GPC5: variants seen among roughly 807,000 people sequenced by gnomAD.
GPC5 encodes glypican-5.
Under a neutral mutation model 53.9 loss-of-function variants are expected in GPC5, and 47 were observed. The observed-to-expected ratio is 0.87, with a 90% confidence interval of 0.69 to 1.11. The LOEUF (loss-of-function observed/expected upper bound fraction) is 1.11. GPC5 is among the 50% of genes most tolerant of loss of function. The pLI is 0.00. For missense variants in GPC5, 748 were observed against 713.1 expected (o/e 1.05, Z -0.56); for synonymous variants, 286 against 263.3 (o/e 1.09, Z -0.84).
intron 2 of GPC5, among the ~76,000 whole-genome samples, chr13:91,553,577 A>T (rs58296272): frequency 6.6e-6 from 1 of 151,960 alleles, no homozygotes; most frequent in East Asian, 1.9e-4. Context: ...CTACGGCATT[A>T]GTTTGTCTAT....
chr13:92,165,762 AT>A (rs1385694873), intron 7 of GPC5, among the ~76,000 whole-genome samples: 3 of 152,232 alleles, frequency 2.0e-5, no homozygotes, highest in East Asian at 3.9e-4. Context: ...TATTTGATAG[AT>A]TTATTGAATA....
At chr13:92,772,880 T>A (rs756849852) in intron 7 of GPC5, among the ~76,000 whole-genome samples, 1 of 152,174 alleles carries the variant, frequency 6.6e-6, no homozygotes, top group Admixed American at 6.5e-5. Flanking sequence ...ATCAAAGATA[T>A]ATATTTCACA....
chr13:91,471,768 T>C lies in GPC5; in HGVS notation c.325+22846T>C, dbSNP rs531735930. Among the ~76,000 whole-genome samples the C allele has an allele frequency of 1.4e-3, 219 of 152,224 alleles. 1 individual carries two copies. Among genetic ancestry groups the C allele is most frequent in the Middle Eastern group, 3.4e-3 (1 of 294 alleles). On this transcript the variant is annotated intron_variant, in intron 2 of 7. Transcript: ENST00000377067. ...CTTTTCTCTTCCTATTTTTGTTTCT[T>C]TGGATATTTCATTCTTAATATAGAA... is the stretch of plus-strand genomic sequence containing the variant.
At chr13:92,789,159 G>A (rs922891008) in intron 7 of GPC5, among the ~76,000 whole-genome samples, 11 of 152,110 alleles carry the variant, frequency 7.2e-5, no homozygotes, top group African/African-American at 2.7e-4. Flanking sequence ...GGAAAGCACG[G>A]CTTCAACATC....
intron 7 of GPC5, among the ~76,000 whole-genome samples, chr13:92,777,814 G>T (rs972271622): frequency 6.6e-6 from 1 of 152,104 alleles, no homozygotes; most frequent in Non-Finnish European, 1.5e-5. Flanking sequence ...ATAATTTATG[G>T]CCTGCCTCTA....
intron 7 of GPC5, among the ~76,000 whole-genome samples, chr13:92,456,088 T>C (rs2374016): frequency 0.42 from 63,787 of 152,074 alleles, 13,776 homozygotes; most frequent in Admixed American, 0.56. Context: ...TTGTTGCACA[T>C]TTTACACTAT....
chr13:92,074,065 C>A (rs565693057), intron 6 of GPC5, among the ~76,000 whole-genome samples: 1 of 152,008 alleles, frequency 6.6e-6, no homozygotes, highest in Non-Finnish European at 1.5e-5. Flanking sequence ...CAGTTCAACG[C>A]GAATTTTGTG....
At chr13:92,713,428 T>TAA (rs556939674) in intron 7 of GPC5, among the ~76,000 whole-genome samples, 2 of 116,430 alleles carry the variant, frequency 1.7e-5, no homozygotes, top group Non-Finnish European at 3.6e-5. Flanking sequence ...CCGGCTCTAC[T>TAA]AAAAAAAAAA....
chr13:91,964,216 G>A (rs895138323), intron 6 of GPC5, among the ~76,000 whole-genome samples: 4 of 152,178 alleles, frequency 2.6e-5, no homozygotes, highest in East Asian at 1.9e-4. Flanking sequence ...AGGCAGTGCA[G>A]ACCCAAAGAG....
chr13:92,727,677 G>A (rs548607208), intron 7 of GPC5, among the ~76,000 whole-genome samples: 1 of 151,232 alleles, frequency 6.6e-6, no homozygotes, highest in African/African-American at 2.4e-5. Flanking sequence ...AGCTTCATTT[G>A]CTGGGCAGAG....
chr13:91,848,251 C>T (rs770357681), intron 5 of GPC5, among the ~76,000 whole-genome samples: 4 of 152,230 alleles, frequency 2.6e-5, no homozygotes, highest in Non-Finnish European at 5.9e-5. Context: ...AAGCACAAGC[C>T]TGTAGTGTAT....
chr13:91,890,613 G>A (rs2039374696), intron 5 of GPC5, among the ~76,000 whole-genome samples: 1 of 152,188 alleles, frequency 6.6e-6, no homozygotes, highest in South Asian at 2.1e-4. Context: ...TTGTTTTGTA[G>A]TCTTTGGCTA....
chr13:91,971,032 G>T (rs924243188), intron 6 of GPC5, among the ~76,000 whole-genome samples: 10 of 152,208 alleles, frequency 6.6e-5, no homozygotes, highest in African/African-American at 2.4e-4. Flanking sequence ...AATAGTTTCA[G>T]AAGGAATGGT....
chr13:91,983,922 T>C (rs1038935423), intron 6 of GPC5, among the ~76,000 whole-genome samples: 2 of 152,216 alleles, frequency 1.3e-5, no homozygotes, highest in Non-Finnish European at 2.9e-5. Context: ...CTCTGCTCTT[T>C]ATTTGCAGTT....
At chr13:91,940,365 A>T (rs112221995) in intron 6 of GPC5, among the ~76,000 whole-genome samples, 1 of 152,116 alleles carries the variant, frequency 6.6e-6, no homozygotes, top group African/African-American at 2.4e-5. Context: ...CGTTATATAC[A>T]TACTACATTT....
intron 6 of GPC5, among the ~76,000 whole-genome samples, chr13:91,977,369 A>G (rs1204376437): frequency 6.6e-6 from 1 of 152,210 alleles, no homozygotes; most frequent in Non-Finnish European, 1.5e-5. Context: ...ATGTGGGGAA[A>G]AGGAAGAAAG....
intron 2 of GPC5, among the ~76,000 whole-genome samples, chr13:91,620,316 A>G (rs1164902702): frequency 2.0e-5 from 3 of 152,182 alleles, no homozygotes; most frequent in African/African-American, 7.2e-5. Flanking sequence ...AGGCTTTAAC[A>G]TAAGTAGAAT....
At chr13:92,354,208 A>G (rs1288426100) in intron 7 of GPC5, among the ~76,000 whole-genome samples, 2 of 152,232 alleles carry the variant, frequency 1.3e-5, no homozygotes, top group African/African-American at 2.4e-5. Flanking sequence ...AGTAATTCTG[A>G]TAACAAGTTG....
intron 6 of GPC5, among the ~76,000 whole-genome samples, chr13:92,010,021 T>G (rs1258127898): frequency 2.0e-5 from 3 of 152,156 alleles, no homozygotes; most frequent in African/African-American, 7.2e-5. Flanking sequence ...ACAAAGGAAA[T>G]AATATAAAAT....
Sources: gnomAD v4.1 joint callset for allele counts (sites outside exome capture counted in the v4.1 genomes callset) on GRCh38, gnomAD v4.1.1 for gene constraint, MANE v1.5 for transcripts, NCBI Gene and HGNC (gene_info 2026-07-23, HGNC 2026-07-21) for gene names.